The following MYBL2 variants were observed in gnomAD, a reference collection of about 807,000 sequenced individuals.
MYBL2 encodes the protein MYB proto-oncogene like 2.
MYBL2 carries 28 observed loss-of-function variants against 79.9 expected under a neutral mutation model. The observed-to-expected ratio is 0.35, with a 90% CI of 0.26 to 0.48. MYBL2 has a LOEUF of 0.48. Among genes scored for constraint, MYBL2 ranks in the 20% least tolerant of loss-of-function variants. MYBL2 has a pLI of 0.99. For synonymous variants in MYBL2, 378 were observed against 361.2 expected (o/e 1.05, Z -0.53); for missense variants, 735 against 893.9 (o/e 0.82, Z 2.27).
chr20:43,673,508 A>G (rs761879355), intron 1 of MYBL2, among the ~76,000 whole-genome samples: 111 of 151,758 alleles, frequency 7.3e-4, no homozygotes, highest in Non-Finnish European at 8.1e-4. Context: ...GTGGTGGCAT[A>G]CCCCTGTAGT....
At chr20:43,694,854 C>T (rs1987496383) in intron 6 of MYBL2, among the ~76,000 whole-genome samples, 2 of 152,116 alleles carry the variant, frequency 1.3e-5, no homozygotes, top group Admixed American at 6.6e-5. Context: ...GGGCATCAGC[C>T]GACTCATAGA....
At position 43,667,223 on chromosome 20, in the gene MYBL2, C is replaced by G. The variant is rs1986735339; in HGVS notation, c.-61C>G. On this transcript the variant is annotated 5_prime_UTR_variant, in exon 1 of 14. Coordinates refer to ENST00000217026, the MANE Select transcript of MYBL2 (RefSeq NM_002466.4). ...AGCAGCCCGGGTCCTGACCCCGGCC[C>G]GGCTCCCGCTCCGGGCTCTGCCGGC... 13 of 1,175,472 alleles carry G rather than the reference C, an allele frequency of 1.1e-5. No individual in the cohort carries two copies. Among genetic ancestry groups the G allele is most frequent in the Non-Finnish European group, 1.2e-5 (11 of 948,622 alleles). The allele number at this position is 1,175,472 out of a possible 1,614,324, so 72.8% of individuals were successfully genotyped here. A position where few individuals can be genotyped will look rare whatever the true frequency, so the allele number is the denominator to read the frequency against.
At chr20:43,678,110 T>C (rs559889303) in intron 2 of MYBL2, among the ~76,000 whole-genome samples, 8 of 152,188 alleles carry the variant, frequency 5.3e-5, no homozygotes, top group Non-Finnish European at 8.8e-5. Flanking sequence ...GGCAGCATGC[T>C]CGTTAAGAGT....
intron 4 of MYBL2, among the ~76,000 whole-genome samples, chr20:43,685,135 G>T (rs997502124): frequency 2.1e-4 from 21 of 101,728 alleles, no homozygotes; most frequent in African/African-American, 7.4e-4. Flanking sequence ...CAGCAGGAGC[G>T]AAACTCTGTC....
At chr20:43,669,845 G>A (rs541778591) in intron 1 of MYBL2, among the ~76,000 whole-genome samples, 11 of 152,294 alleles carry the variant, frequency 7.2e-5, no homozygotes, top group African/African-American at 2.6e-4. Context: ...AGCATTGGAG[G>A]CTGGGTGTGG....
chr20:43,712,566 G>C (rs573963237), intron 11 of MYBL2, among the ~76,000 whole-genome samples: 1 of 152,266 alleles, frequency 6.6e-6, no homozygotes, highest in Non-Finnish European at 1.5e-5. Flanking sequence ...GGAATGGGGC[G>C]TTCCTTGATT....
intron 4 of MYBL2, among the ~76,000 whole-genome samples, chr20:43,684,959 C>G (rs1473845801): frequency 1.3e-5 from 2 of 151,342 alleles, no homozygotes; most frequent in Non-Finnish European, 2.9e-5. Flanking sequence ...CCAGCCTGAC[C>G]AACATGGCGA....
At chr20:43,675,218 A>G (rs1986975635) in intron 2 of MYBL2, among the ~76,000 whole-genome samples, 1 of 151,890 alleles carries the variant, frequency 6.6e-6, no homozygotes, top group African/African-American at 2.4e-5. Context: ...AGGCTCAAGC[A>G]TTTCTCCCAC....
rs769074502 is a variant in MYBL2, at chr20:43,716,029, G to A, written c.2045G>A (p.Arg682Gln). The A allele has an allele frequency of 1.9e-5, 31 of 1,611,376 alleles. No individual in the cohort carries two copies. The highest frequency in any genetic ancestry group is 2.5e-5 in the Non-Finnish European group (30 of 1,179,848). Reference sequence around the variant, plus strand: ...CAGCTTTTCATGCAGGAGAAAGCCCGGCAGCTCCTGGGCCGCCTGAAGCCC... The same window carrying A: ...CAGCTTTTCATGCAGGAGAAAGCCCAGCAGCTCCTGGGCCGCCTGAAGCCC... ...RDQLFMQEKA[R>Q]QLLGRLKPSH... Residue 682 changes from arginine (R) to glutamine (Q), a missense_variant, in exon 14 of 14, where the codon CGG becomes CAG. Physicochemically the swap from Arg to Gln is conservative, Grantham distance 43. This residue lies in a region of MYBL2 where 204 missense variants were observed against 202.9 expected (regional missense o/e 1.01). Coordinates refer to ENST00000217026, the MANE Select transcript of MYBL2 (RefSeq NM_002466.4).
chr20:43,684,689 A>G (rs892300790), intron 4 of MYBL2, among the ~76,000 whole-genome samples: 5 of 151,800 alleles, frequency 3.3e-5, no homozygotes, highest in African/African-American at 1.2e-4. Context: ...CTTAAAATTA[A>G]TTTTTAAGTA....
chr20:43,675,761 T>TG (rs1555810051), intron 2 of MYBL2, among the ~76,000 whole-genome samples: 2 of 148,110 alleles, frequency 1.4e-5, no homozygotes, highest in East Asian at 4.0e-4. Flanking sequence ...TTTGGGGGCT[T>TG]TGTGTGTGTG....
At chr20:43,709,632 G>T (rs549449846) in intron 9 of MYBL2, among the ~76,000 whole-genome samples, 2 of 152,304 alleles carry the variant, frequency 1.3e-5, no homozygotes, top group South Asian at 4.1e-4. Flanking sequence ...GATCTTCCTG[G>T]GTTCCCACCT....
At position 43,716,218 on chromosome 20, in the gene MYBL2, C is replaced by G; in HGVS notation, c.*131C>G. 7.0e-7 allele frequency: 1 copy of G among 1,436,748 alleles called. No homozygotes were observed. The highest frequency in any genetic ancestry group is 1.2e-5 in the South Asian group (1 of 80,916). The allele number at this position is 1,436,748 out of a possible 1,614,324, so 89.0% of individuals were successfully genotyped here. A position where few individuals can be genotyped will look rare whatever the true frequency, so the allele number is the denominator to read the frequency against. On this transcript the variant is annotated 3_prime_UTR_variant, in exon 14 of 14. Coordinates refer to ENST00000217026, the MANE Select transcript of MYBL2 (RefSeq NM_002466.4). ...TCTGCCACCAGCCCCTCCCCAGACT[C>G]TCAGGTGGAGGCAACAGGGCCATGT... is the stretch of plus-strand genomic sequence containing the variant.
At chr20:43,691,382 C>T (rs938922585) in intron 5 of MYBL2, among the ~76,000 whole-genome samples, 3 of 151,768 alleles carry the variant, frequency 2.0e-5, no homozygotes, top group Non-Finnish European at 2.9e-5. Flanking sequence ...AGTGCAGTGG[C>T]GCAATCTCGG....
At chr20:43,703,061 T>C (rs1454243129) in intron 8 of MYBL2, among the ~76,000 whole-genome samples, 158 bp downstream of exon 8, 1 of 152,166 alleles carries the variant, frequency 6.6e-6, no homozygotes, top group Non-Finnish European at 1.5e-5. Flanking sequence ...GAAAATGTGA[T>C]AATCAGGATG....
At chr20:43,702,390 T>C in intron 7 of MYBL2, 100 bp from the exon 8 acceptor site, 1 of 1,280,572 alleles carries the variant, frequency 7.8e-7, no homozygotes, top group South Asian at 1.4e-5. Context: ...GGTCCTGGGC[T>C]GTGGGATCAT....
chr20:43,702,928 T>C (rs1236399708), intron 8 of MYBL2, 25 bp downstream of exon 8: 1 of 1,566,178 alleles, frequency 6.4e-7, no homozygotes, highest in Non-Finnish European at 8.7e-7. Flanking sequence ...CTCTGGCTGC[T>C]TATTGGGTCG....
chr20:43,681,923 G>A, intron 3 of MYBL2, 68 bp downstream of exon 3: 2 of 1,553,896 alleles, frequency 1.3e-6, no homozygotes, highest in South Asian at 1.1e-5. Flanking sequence ...GCCTGGGACA[G>A]ACTTTGCCAA....
At chr20:43,677,779 C>T (rs563918346) in intron 2 of MYBL2, among the ~76,000 whole-genome samples, 3 of 152,132 alleles carry the variant, frequency 2.0e-5, no homozygotes, top group South Asian at 2.1e-4. Flanking sequence ...CCCCTCTGCC[C>T]GGCCACCACC....
Sources: allele counts gnomAD v4.1 joint callset (sites outside exome capture counted in the v4.1 genomes callset), GRCh38; gene constraint gnomAD v4.1.1; regional missense constraint gnomAD v4.1.1; transcripts MANE v1.5; gene names NCBI Gene and HGNC (gene_info 2026-07-23, HGNC 2026-07-21).